Variants in UBAC2 observed in about 807,000 individuals in gnomAD.
UBAC2 encodes UBA domain containing 2.
UBAC2 carries 26 observed loss-of-function variants against 44.0 expected under a neutral mutation model. The observed-to-expected ratio is 0.59, with a 90% CI of 0.43 to 0.82. UBAC2 has a LOEUF of 0.82. UBAC2 is among the 40% of genes least tolerant of loss of function. The probability of loss-of-function intolerance (pLI) is 0.00; values close to 1 mark genes in which losing one functional copy is unlikely to be tolerated. For synonymous variants in UBAC2, 155 were observed against 154.3 expected (o/e 1.00, Z -0.04); for missense variants, 329 against 419.4 (o/e 0.78, Z 1.88).
At chr13:99,288,799 C>G (rs1287266771) in intron 4 of UBAC2, among the ~76,000 whole-genome samples, 1 of 152,160 alleles carries the variant, frequency 6.6e-6, no homozygotes, top group Non-Finnish European at 1.5e-5. Context: ...TAATATCAAC[C>G]TCTTACCATA....
intron 8 of UBAC2, among the ~76,000 whole-genome samples, chr13:99,378,045 C>T (rs1412648594): frequency 6.6e-6 from 1 of 152,200 alleles, no homozygotes; most frequent in East Asian, 1.9e-4. Context: ...ATCCAAAATG[C>T]ATGCTGCTCT....
chr13:99,294,331 G>C (rs1818766836), intron 4 of UBAC2, among the ~76,000 whole-genome samples: 1 of 152,122 alleles, frequency 6.6e-6, no homozygotes, highest in Non-Finnish European at 1.5e-5. Context: ...CTCCCAATGG[G>C]CACCTCCATA....
chr13:99,315,185 C>G (rs2044471841), intron 5 of UBAC2, among the ~76,000 whole-genome samples: 1 of 152,128 alleles, frequency 6.6e-6, no homozygotes. Flanking sequence ...ATCTCTCAAC[C>G]CCCGTACCGT....
Position 99,291,032 on chromosome 13 carries a change from G to C in UBAC2, c.390-23065G>C, listed in dbSNP as rs2044083239. On this transcript the variant is annotated intron_variant, in intron 4 of 8. Transcript: ENST00000403766. ...CCTCTTACTAACCAAGTTTCAGTAA[G>C]TGGTGGCATGAATGCTCCAAGTCAG... Among the ~76,000 whole-genome samples, 3 of 152,206 alleles carry C rather than the reference G, an allele frequency of 2.0e-5. No individual in the cohort carries two copies. The East Asian group carries it at 5.8e-4, about 29-fold the overall frequency.
intron 1 of UBAC2, among the ~76,000 whole-genome samples, chr13:99,204,965 G>A (rs928239901): frequency 7.1e-6 from 1 of 140,830 alleles, no homozygotes; most frequent in Middle Eastern, 3.8e-3. Context: ...GTGCAGCGGT[G>A]TGATCTCAGC....
chr13:99,243,895 C>A lies in UBAC2; in HGVS notation c.223C>A (p.Leu75Met). ...LDLKDTFCSS[L>M]LIYNFRIFER... ...TTTGAAAGATACTTTCTGCAGTAGT[C>A]TGCTTATTTATAATTTTAGGATATT... Residue 75 changes from leucine to methionine, a missense_variant, in exon 3 of 9, where the codon CTG becomes ATG. Physicochemically the swap from Leu to Met is conservative, Grantham distance 15. Coordinates refer to ENST00000403766, the MANE Select transcript of UBAC2 (RefSeq NM_001144072.2). 6.4e-7 allele frequency: 1 copy of A among 1,563,406 alleles called. No individual in the cohort carries two copies. The highest frequency in any genetic ancestry group is 8.7e-7 in the Non-Finnish European group (1 of 1,152,292).
intron 8 of UBAC2, among the ~76,000 whole-genome samples, chr13:99,373,290 A>G (rs532390640): frequency 2.6e-5 from 4 of 151,914 alleles, no homozygotes; most frequent in Non-Finnish European, 5.9e-5. Context: ...AAGGGGGAAA[A>G]ACTCATCAAG....
intron 1 of UBAC2, 75 bp downstream of exon 1, chr13:99,201,014 G>T: frequency 7.7e-7 from 1 of 1,297,116 alleles, no homozygotes. Flanking sequence ...GGCTGGGGCA[G>T]CGGGGACCCT....
At chr13:99,350,403 A>G (rs969014245) in intron 7 of UBAC2, among the ~76,000 whole-genome samples, 1 of 152,004 alleles carries the variant, frequency 6.6e-6, no homozygotes, top group Non-Finnish European at 1.5e-5. Flanking sequence ...TTTCAGCCCC[A>G]CCCCCAACCT....
In UBAC2 at chr13:99,201,069, C is replaced by G. The variant is rs560021528; in HGVS notation, c.31+130C>G. ...GGGGCCGACCCTCCAGACCCGCGTCCGAACCCTGCTAGTTCCCGGTCTTGG... is the reference window on the plus strand; with the variant it reads ...GGGGCCGACCCTCCAGACCCGCGTCGGAACCCTGCTAGTTCCCGGTCTTGG... On this transcript the variant is annotated intron_variant, in intron 1 of 8. Coordinates refer to ENST00000403766, the MANE Select transcript of UBAC2 (RefSeq NM_001144072.2). 7 of 1,331,490 alleles carry G rather than the reference C, an allele frequency of 5.3e-6. No homozygotes were observed. In the East Asian group the frequency reaches 2.0e-4, roughly 37 times the overall value. 82.5% of individuals were successfully genotyped at this position (1,331,490 alleles called of 1,614,324 possible).
chr13:99,332,500 G>T (rs1237751062), intron 6 of UBAC2, among the ~76,000 whole-genome samples: 3 of 152,140 alleles, frequency 2.0e-5, no homozygotes, highest in African/African-American at 4.8e-5. Flanking sequence ...CACAGCTTCT[G>T]CTGTTGGCAT....
At chr13:99,311,804 A>G (rs1229375512) in intron 4 of UBAC2, among the ~76,000 whole-genome samples, 6 of 152,214 alleles carry the variant, frequency 3.9e-5, no homozygotes, top group Non-Finnish European at 8.8e-5. Context: ...AGGTGCTAGG[A>G]GAACCAGGAC....
intron 6 of UBAC2, among the ~76,000 whole-genome samples, chr13:99,328,114 T>G (rs2044665373): frequency 6.6e-6 from 1 of 152,254 alleles, no homozygotes; most frequent in Admixed American, 6.5e-5. Context: ...AAGTATTTTG[T>G]GTTTTACTTC....
intron 4 of UBAC2, among the ~76,000 whole-genome samples, chr13:99,246,515 CTG>C (rs1352351821): frequency 1.3e-5 from 2 of 152,116 alleles, no homozygotes; most frequent in Non-Finnish European, 2.9e-5. Context: ...GTATGTGTGT[CTG>C]TGTTAGAATG....
chr13:99,364,354 C>T (rs1179932072), intron 7 of UBAC2, among the ~76,000 whole-genome samples: 1 of 149,016 alleles, frequency 6.7e-6, no homozygotes, highest in Non-Finnish European at 1.5e-5. Flanking sequence ...CCTAATACAG[C>T]ACATCATACT....
chr13:99,292,920 T>C (rs1343715432), intron 4 of UBAC2, among the ~76,000 whole-genome samples: 1 of 152,232 alleles, frequency 6.6e-6, no homozygotes, highest in Non-Finnish European at 1.5e-5. Flanking sequence ...TATACAGCCC[T>C]GTCCTGTTCT....
At chr13:99,318,922 T>C (rs1396876819) in intron 6 of UBAC2, among the ~76,000 whole-genome samples, 5 of 151,130 alleles carry the variant, frequency 3.3e-5, no homozygotes, top group African/African-American at 9.7e-5. Context: ...TAGCTGGGCT[T>C]GTCAGTGTTG....
intron 4 of UBAC2, among the ~76,000 whole-genome samples, chr13:99,249,734 G>A (rs942258651): frequency 6.6e-6 from 1 of 152,084 alleles, no homozygotes; most frequent in South Asian, 2.1e-4. Context: ...GATCTCACCA[G>A]CATCTGTTGT....
intron 7 of UBAC2, among the ~76,000 whole-genome samples, chr13:99,365,617 G>A (rs2045320086): frequency 6.6e-6 from 1 of 151,968 alleles, no homozygotes; most frequent in African/African-American, 2.4e-5. Flanking sequence ...GCATTATGGT[G>A]AGAATATAAT....
Sources: gnomAD v4.1 joint callset for allele counts (sites outside exome capture counted in the v4.1 genomes callset) on GRCh38, gnomAD v4.1.1 for gene constraint, MANE v1.5 for transcripts, NCBI Gene and HGNC (gene_info 2026-07-23, HGNC 2026-07-21) for gene names.